The following TAOK3 variants were observed in gnomAD, a reference collection of about 807,000 sequenced individuals.
TAOK3 encodes the protein serine/threonine-protein kinase TAO3.
A neutral mutation model predicts 120.4 loss-of-function variants in TAOK3; 40 were observed. The observed-to-expected ratio is 0.33, with a 90% CI of 0.26 to 0.43. The LOEUF (loss-of-function observed/expected upper bound fraction) is 0.43, where lower values mean the gene tolerates loss of function less well. Ranked by LOEUF, TAOK3 falls within the 20% of genes least tolerant of loss-of-function variation. The probability of loss-of-function intolerance (pLI) is 1.00; values close to 1 mark genes in which losing one functional copy is unlikely to be tolerated. For synonymous variants in TAOK3, 355 were observed against 387.5 expected (o/e 0.92, Z 0.99); for missense variants, 821 against 1,112.1 (o/e 0.74, Z 3.72).
At chr12:118,336,426 C>T (rs951376703) in intron 1 of TAOK3, among the ~76,000 whole-genome samples, 1 of 152,056 alleles carries the variant, frequency 6.6e-6, no homozygotes, top group African/African-American at 2.4e-5. Context: ...TGACCTAAAC[C>T]TCTTATCTTA....
At chr12:118,202,945 A>G (rs577374272) in intron 11 of TAOK3, among the ~76,000 whole-genome samples, 68 of 151,700 alleles carry the variant, frequency 4.5e-4, no homozygotes, top group African/African-American at 1.6e-3. Flanking sequence ...ATGCCTGGCT[A>G]ATTTTTGTAT....
At position 118,372,346 on chromosome 12, in the gene TAOK3, C is replaced by T. The variant is rs2045925562; in HGVS notation, c.-194+302G>A. Among the ~76,000 whole-genome samples the T allele has an allele frequency of 6.6e-6, 1 of 150,890 alleles. No homozygotes were observed. Among genetic ancestry groups the T allele is most frequent in the African/African-American group, 2.4e-5 (1 of 40,994 alleles). ...TCCTAGTGCCTCATGAGGCACCCAC[C>T]CCTCACCCCACTACCCCAGCCCCTC... On this transcript the variant is annotated intron_variant, in intron 1 of 20. Coordinates refer to ENST00000392533, the MANE Select transcript of TAOK3 (RefSeq NM_016281.4). The surrounding 1 kb of genome is among the most constrained non-coding windows in gnomAD (Gnocchi z 4.6).
At chr12:118,327,702 T>C (rs1468225808) in intron 1 of TAOK3, among the ~76,000 whole-genome samples, 2 of 152,210 alleles carry the variant, frequency 1.3e-5, no homozygotes, top group Admixed American at 6.5e-5. Flanking sequence ...CTTAGGATTA[T>C]TGGCATGTAG....
chr12:118,327,196 C>T (rs2043969000), intron 1 of TAOK3, among the ~76,000 whole-genome samples: 1 of 152,100 alleles, frequency 6.6e-6, no homozygotes, highest in South Asian at 2.1e-4. Context: ...CTACTAACTC[C>T]ACCCTATCAC....
chr12:118,292,951 C>T (rs2042539754), intron 1 of TAOK3, among the ~76,000 whole-genome samples: 1 of 152,184 alleles, frequency 6.6e-6, no homozygotes, highest in Non-Finnish European at 1.5e-5. Context: ...AAACTTGAAA[C>T]TCTTGCCTAA....
chr12:118,189,573 CACACAA>C (rs1289430241), intron 14 of TAOK3, among the ~76,000 whole-genome samples: 4 of 32,714 alleles, frequency 1.2e-4, no homozygotes, highest in Non-Finnish European at 1.8e-4. Context: ...CACACACACA[CACACAA>C]AGGTTTTTTT....
intron 13 of TAOK3, among the ~76,000 whole-genome samples, chr12:118,193,505 A>G (rs1347423494): frequency 6.6e-6 from 1 of 152,260 alleles, no homozygotes; most frequent in Non-Finnish European, 1.5e-5. Flanking sequence ...TATACCTTAG[A>G]CAAGGGGCTT....
At chr12:118,293,559 T>C (rs6490175) in intron 1 of TAOK3, among the ~76,000 whole-genome samples, 38,453 of 151,518 alleles carry the variant, frequency 0.25, 5,772 homozygotes, top group African/African-American at 0.42. Flanking sequence ...CCTGTAATGC[T>C]AGCTACCAGG....
chr12:118,189,494 A>G (rs2037286687), intron 14 of TAOK3, among the ~76,000 whole-genome samples: 1 of 150,904 alleles, frequency 6.6e-6, no homozygotes, highest in Admixed American at 6.7e-5. Context: ...CAAAGGCCTT[A>G]TATTTTGCAC....
chr12:118,219,770 CTTTTTTTTTTTTTTTTT>C (rs35568926), intron 9 of TAOK3, among the ~76,000 whole-genome samples: 7 of 58,836 alleles, frequency 1.2e-4, no homozygotes, highest in Non-Finnish European at 2.0e-4. Context: ...ACTTTTTTGG[CTTTTTTTTTTTTTTTTT>C]TTTTTTTTTA....
At chr12:118,359,485 G>GAAAAGAACC (rs2045519637) in intron 1 of TAOK3, 1 of 152,138 alleles carries the variant, frequency 6.6e-6, no homozygotes, top group Admixed American at 6.5e-5. Context: ...ATATTAGAAA[G>GAAAAGAACC]AAAAGAACCA....
At chr12:118,303,799 C>T (rs963819301) in intron 1 of TAOK3, among the ~76,000 whole-genome samples, 2 of 152,146 alleles carry the variant, frequency 1.3e-5, no homozygotes, top group African/African-American at 4.8e-5. Context: ...AGGCACCTGC[C>T]AGCATACCCA....
chr12:118,196,599 T>C (rs531891838), intron 13 of TAOK3, among the ~76,000 whole-genome samples: 2 of 152,308 alleles, frequency 1.3e-5, no homozygotes, highest in African/African-American at 4.8e-5. Context: ...CCCATATTCA[T>C]ATATTTTGGT....
At chr12:118,254,924 A>T (rs1356713830) in intron 3 of TAOK3, among the ~76,000 whole-genome samples, 6 of 147,126 alleles carry the variant, frequency 4.1e-5, no homozygotes, top group Non-Finnish European at 9.1e-5. Context: ...CGCCTGGCTA[A>T]TTTTTTTTTT....
chr12:118,249,195 T>C (rs1346824450), intron 3 of TAOK3, among the ~76,000 whole-genome samples: 1 of 152,224 alleles, frequency 6.6e-6, no homozygotes, highest in Non-Finnish European at 1.5e-5. Flanking sequence ...CTTACTATTA[T>C]GTGTTTATAT....
intron 1 of TAOK3, among the ~76,000 whole-genome samples, chr12:118,327,605 T>G (rs2043985343): frequency 6.6e-6 from 1 of 152,176 alleles, no homozygotes; most frequent in Non-Finnish European, 1.5e-5. Flanking sequence ...ATCAAGTCCT[T>G]GGAGACTGGT....
chr12:118,303,742 G>T (rs2042954977), intron 1 of TAOK3, among the ~76,000 whole-genome samples: 1 of 152,128 alleles, frequency 6.6e-6, no homozygotes, highest in African/African-American at 2.4e-5. Context: ...CCACCTCCCG[G>T]GTTTAAGCAA....
intron 1 of TAOK3, among the ~76,000 whole-genome samples, chr12:118,303,029 C>A (rs571828347): frequency 6.6e-6 from 1 of 152,222 alleles, no homozygotes; most frequent in Admixed American, 6.5e-5. Context: ...ATATCAAGAC[C>A]AGAAAGTGGA....
chr12:118,215,330 CAAA>C (rs759313035), intron 9 of TAOK3, among the ~76,000 whole-genome samples: 1 of 89,642 alleles, frequency 1.1e-5, no homozygotes, highest in Admixed American at 1.2e-4. Context: ...CCCGTCTCTA[CAAA>C]AAAAAAAAAA....
Sources: gnomAD v4.1 joint callset for allele counts (sites outside exome capture counted in the v4.1 genomes callset) on GRCh38, gnomAD v4.1.1 for gene constraint, Gnocchi (gnomAD v3.1) non-coding constraint, MANE v1.5 for transcripts, NCBI Gene and HGNC (gene_info 2026-07-23, HGNC 2026-07-21) for gene names.